Variants in FAM117B observed in about 807,000 individuals in gnomAD.
FAM117B encodes the protein protein FAM117B.
FAM117B carries 22 observed loss-of-function variants against 52.8 expected under a neutral mutation model. The ratio of observed to expected loss-of-function variants is 0.42; its 90% CI spans 0.30 to 0.59. The LOEUF is 0.59. Among genes scored for constraint, FAM117B ranks in the 20% least tolerant of loss-of-function variants. The pLI, the probability that FAM117B is intolerant of heterozygous loss-of-function variation, is 0.22. For missense variants in FAM117B, 678 were observed against 802.6 expected (o/e 0.84, Z 1.88); for synonymous variants, 309 against 324.1 (o/e 0.95, Z 0.50).
intron 1 of FAM117B, among the ~76,000 whole-genome samples, chr2:202,689,178 C>T (rs955819031): frequency 6.6e-6 from 1 of 152,200 alleles, no homozygotes; most frequent in African/African-American, 2.4e-5. Context: ...CAGTGGCCCA[C>T]ACCTGTAATC....
chr2:202,752,007 C>T (rs1028085026), intron 4 of FAM117B, among the ~76,000 whole-genome samples: 3 of 151,562 alleles, frequency 2.0e-5, no homozygotes, highest in Non-Finnish European at 4.4e-5. Flanking sequence ...ATAAGTAATA[C>T]AGAAGCTTGA....
chr2:202,642,815 T>C (rs1450670896), intron 1 of FAM117B, among the ~76,000 whole-genome samples: 1 of 152,136 alleles, frequency 6.6e-6, no homozygotes, highest in East Asian at 1.9e-4. Flanking sequence ...GATAAAATGA[T>C]AGGGAAAATG....
At chr2:202,713,647 A>G (rs1320607906) in intron 2 of FAM117B, among the ~76,000 whole-genome samples, 1 of 152,038 alleles carries the variant, frequency 6.6e-6, no homozygotes, top group African/African-American at 2.4e-5. Context: ...AGGCACTTTT[A>G]GCTGTAAAAT....
At chr2:202,754,749 G>T (rs1001879445) in intron 4 of FAM117B, among the ~76,000 whole-genome samples, 1 of 151,732 alleles carries the variant, frequency 6.6e-6, no homozygotes, top group East Asian at 1.9e-4. Flanking sequence ...AATTAGCCAG[G>T]TGTGGTGGCG....
intron 4 of FAM117B, among the ~76,000 whole-genome samples, chr2:202,738,482 A>C (rs1368022006): frequency 2.0e-5 from 3 of 152,216 alleles, no homozygotes; most frequent in Non-Finnish European, 4.4e-5. Context: ...AGACTATCTT[A>C]AATAAATATA....
chr2:202,709,259 A>G (rs1314182336), intron 2 of FAM117B, among the ~76,000 whole-genome samples: 4 of 150,900 alleles, frequency 2.7e-5, no homozygotes, highest in African/African-American at 7.3e-5. Context: ...CTGGAGTACA[A>G]TGGAGTGATC....
At chr2:202,714,364 A>AT (rs1691004708) in intron 2 of FAM117B, among the ~76,000 whole-genome samples, 1 of 152,126 alleles carries the variant, frequency 6.6e-6, no homozygotes, top group East Asian at 1.9e-4. Context: ...TTTGTTGTTG[A>AT]TTTTATGTAT....
intron 1 of FAM117B, among the ~76,000 whole-genome samples, chr2:202,676,452 T>C (rs1368049266): frequency 1.3e-5 from 2 of 151,396 alleles, no homozygotes; most frequent in African/African-American, 4.9e-5. Flanking sequence ...CTATCTCAGC[T>C]CACCACAACC....
intron 1 of FAM117B, among the ~76,000 whole-genome samples, chr2:202,659,751 A>C (rs907249986): frequency 6.6e-6 from 1 of 150,882 alleles, no homozygotes; most frequent in African/African-American, 2.4e-5. Context: ...AGTAGCTGGG[A>C]TTACAGGCAC....
intron 1 of FAM117B, among the ~76,000 whole-genome samples, chr2:202,638,899 A>G (rs1376377308): frequency 6.6e-6 from 1 of 152,234 alleles, no homozygotes; most frequent in Non-Finnish European, 1.5e-5. Flanking sequence ...ATTCCCAGGA[A>G]TTGTTGTTTC....
chr2:202,713,336 A>G (rs553759820), intron 2 of FAM117B, among the ~76,000 whole-genome samples: 24 of 152,280 alleles, frequency 1.6e-4, no homozygotes, highest in South Asian at 1.0e-3. Context: ...ATAGTAGCCA[A>G]TAATGATCCT....
intron 1 of FAM117B, among the ~76,000 whole-genome samples, chr2:202,644,954 A>T (rs1024706602): frequency 6.6e-6 from 1 of 150,822 alleles, no homozygotes; most frequent in Non-Finnish European, 1.5e-5. Flanking sequence ...CAGTCTAGAG[A>T]CTATTTCTGG....
In FAM117B at chr2:202,635,577, G is replaced by T. The variant is rs1485679613; in HGVS notation, c.390G>T (p.Ala130=). The change falls in exon 1 of 8, where the codon GCG becomes GCT. Residue 130 remains alanine (A), a synonymous_variant. Transcript: ENST00000392238. The part of the protein sequence containing the change: ...TRGTSPTRSA[A]PGARGSPPRP... ...GCACCAGCCCCACGCGCAGCGCCGC[G>T]CCTGGAGCTCGCGGGAGCCCCCCAC... 2 of 1,241,778 alleles carry T rather than the reference G, an allele frequency of 1.6e-6. No homozygotes were observed. Among genetic ancestry groups the T allele is most frequent in the Non-Finnish European group, 1.0e-6 (1 of 997,348 alleles). The allele number at this position is 1,241,778 out of a possible 1,614,324, so 76.9% of individuals were successfully genotyped here.
In FAM117B at chr2:202,635,722, A is replaced by C; in HGVS notation, c.535A>C (p.Arg179=). The C allele has an allele frequency of 6.9e-7, 1 of 1,441,604 alleles. No homozygotes were observed. The highest frequency in any genetic ancestry group is 9.1e-7 in the Non-Finnish European group (1 of 1,098,886). The allele number at this position is 1,441,604 out of a possible 1,614,324, so 89.3% of individuals were successfully genotyped here. A position where few individuals can be genotyped will look rare whatever the true frequency, so the allele number is the denominator to read the frequency against. Reference sequence around the variant, plus strand: ...CCCAGCCCGCGTCCGGCATCGGAGGAGGTCTCCGGAGCAGAGCCGAAGCTC... The same window carrying C: ...CCCAGCCCGCGTCCGGCATCGGAGGCGGTCTCCGGAGCAGAGCCGAAGCTC... ...PPPARVRHRR[R]SPEQSRSSPE... Residue 179 remains arginine, a synonymous_variant, in exon 1 of 8, where the codon AGG becomes CGG. Coordinates refer to ENST00000392238, the MANE Select transcript of FAM117B (RefSeq NM_173511.4).
rs397868272 is a variant in FAM117B, at chr2:202,751,771, CAAAAAAAAAAAAA to C, written c.961-3756_961-3744del. Among the ~76,000 whole-genome samples, 647 of 76,238 alleles carry C rather than the reference CAAAAAAAAAAAAA, an allele frequency of 8.5e-3. 6 individuals are homozygous for C. The highest frequency in any genetic ancestry group is 0.032 in the African/African-American group (609 of 18,958). 50.0% of individuals were successfully genotyped at this position (76,238 alleles called of 152,430 possible). A position where few individuals can be genotyped will look rare whatever the true frequency, so the allele number is the denominator to read the frequency against. On this transcript the variant is annotated intron_variant, in intron 4 of 7. Transcript: ENST00000392238. ...TAGGAGACAGACCGAGACTCCATCT[CAAAAAAAAAAAAA>C]AAAAAAAAAATAGGTTTTGACAATT...
At chr2:202,725,079 A>G in intron 3 of FAM117B, 70 bp downstream of exon 3, 4 of 1,153,286 alleles carry the variant, frequency 3.5e-6, no homozygotes, top group Non-Finnish European at 5.0e-6. Context: ...CCTTGATATT[A>G]TGGGCAGCAA....
intron 1 of FAM117B, among the ~76,000 whole-genome samples, chr2:202,660,592 T>C (rs769506268): frequency 6.6e-6 from 1 of 151,910 alleles, no homozygotes; most frequent in Non-Finnish European, 1.5e-5. Context: ...GATTTAGGAG[T>C]GTTCCTTTTT....
intron 2 of FAM117B, among the ~76,000 whole-genome samples, chr2:202,716,730 A>T (rs1691061967): frequency 6.6e-6 from 1 of 151,186 alleles, no homozygotes; most frequent in African/African-American, 2.4e-5. Flanking sequence ...GTCTCTTCTG[A>T]GTCTGTGTTT....
At chr2:202,676,397 G>C (rs535217944) in intron 1 of FAM117B, among the ~76,000 whole-genome samples, 1 of 137,414 alleles carries the variant, frequency 7.3e-6, no homozygotes, top group Non-Finnish European at 1.6e-5. Flanking sequence ...TTTTTCTTTT[G>C]AGATGGAGTT....
Sources: gnomAD v4.1 joint callset for allele counts (sites outside exome capture counted in the v4.1 genomes callset) on GRCh38, gnomAD v4.1.1 for gene constraint, MANE v1.5 for transcripts, NCBI Gene and HGNC (gene_info 2026-07-23, HGNC 2026-07-21) for gene names.